The following PTPN14 variants were observed in gnomAD, a reference collection of about 807,000 sequenced individuals.
PTPN14 encodes protein tyrosine phosphatase non-receptor type 14, also known as tyrosine-protein phosphatase non-receptor type 14.
PTPN14 carries 53 observed loss-of-function variants against 126.8 expected under a neutral mutation model. The ratio of observed to expected loss-of-function variants is 0.42; its 90% CI spans 0.34 to 0.53. The LOEUF (loss-of-function observed/expected upper bound fraction) is 0.53. Among genes scored for constraint, PTPN14 ranks in the 20% least tolerant of loss-of-function variants. PTPN14 has a pLI of 0.08. For synonymous variants in PTPN14, 630 were observed against 599.3 expected, an observed-to-expected ratio of 1.05 and a Z score of -0.75; for missense variants, 1,257 against 1,552.9, an observed-to-expected ratio of 0.81 and a Z score of 3.20.
chr1:214,355,369 C>G lies in PTPN14; in HGVS notation c.*2553G>C, dbSNP rs778303761. 6.6e-6 allele frequency: 1 copy of G among 152,170 alleles called. No individual in the cohort carries two copies. The highest frequency in any genetic ancestry group is 1.5e-5 in the Non-Finnish European group (1 of 68,016). The allele number at this position is 152,170 out of a possible 1,614,324, so 9.4% of individuals were successfully genotyped here. ...AAAGATAAATACTGATGTTGTTCAT[C>G]ACGCAATAAACCAGTAACTGAGACC... On this transcript the variant is annotated 3_prime_UTR_variant, in exon 19 of 19. Transcript: ENST00000366956.
chr1:214,453,609 C>T (rs575909036), intron 2 of PTPN14, among the ~76,000 whole-genome samples: 2 of 152,218 alleles, frequency 1.3e-5, no homozygotes, highest in Admixed American at 6.5e-5. Context: ...TGCGGCTGCA[C>T]GACTACTACT....
intron 3 of PTPN14, among the ~76,000 whole-genome samples, chr1:214,417,623 C>T (rs1213452451): frequency 1.3e-5 from 2 of 152,150 alleles, no homozygotes; most frequent in Admixed American, 6.6e-5. Flanking sequence ...TCTTCATGCT[C>T]TCTTTTAAAT....
intron 1 of PTPN14, among the ~76,000 whole-genome samples, chr1:214,481,730 A>G (rs1660992811): frequency 4.6e-5 from 7 of 152,052 alleles, no homozygotes; most frequent in Admixed American, 4.6e-4. Context: ...TCACGCCTGT[A>G]ATTCCAACAC....
At chr1:214,544,277 A>T (rs1309494000) in intron 1 of PTPN14, among the ~76,000 whole-genome samples, 2 of 151,986 alleles carry the variant, frequency 1.3e-5, no homozygotes, top group African/African-American at 2.4e-5. Context: ...AAAATTTTTT[A>T]AAAATTAGCC....
intron 7 of PTPN14, among the ~76,000 whole-genome samples, chr1:214,399,107 T>C (rs563581535): frequency 1.2e-4 from 19 of 152,334 alleles, no homozygotes; most frequent in African/African-American, 1.7e-4. Flanking sequence ...CAAAGAAATA[T>C]GTGAAGTAAC....
In PTPN14 at chr1:214,383,179, A is replaced by G; in HGVS notation, c.2544+132T>C. The G allele has an allele frequency of 8.5e-7, 1 of 1,173,006 alleles. No homozygotes were observed. Among genetic ancestry groups the G allele is most frequent in the Non-Finnish European group, 1.2e-6 (1 of 841,002 alleles). 72.7% of individuals were successfully genotyped at this position (1,173,006 alleles called of 1,614,324 possible). A position where few individuals can be genotyped will look rare whatever the true frequency, so the allele number is the denominator to read the frequency against. Reference sequence around the variant, plus strand: ...AAAAACTCAACATTTTGTGTAATAAAGTACTACCTTTTAAATGCTCAATGA... The same window carrying G: ...AAAAACTCAACATTTTGTGTAATAAGGTACTACCTTTTAAATGCTCAATGA... On this transcript the variant is annotated intron_variant, in intron 13 of 18. Coordinates refer to ENST00000366956, the MANE Select transcript of PTPN14 (RefSeq NM_005401.5). The surrounding 1 kb of genome is among the most constrained non-coding windows in gnomAD (Gnocchi z 4.4).
chr1:214,430,180 T>C (rs1425832036), intron 3 of PTPN14, among the ~76,000 whole-genome samples: 2 of 152,214 alleles, frequency 1.3e-5, no homozygotes, highest in Non-Finnish European at 2.9e-5. Flanking sequence ...TTTCCTTGGC[T>C]CGGAATGTTC....
At chr1:214,438,195 G>A (rs1367658368) in intron 3 of PTPN14, among the ~76,000 whole-genome samples, 3 of 152,152 alleles carry the variant, frequency 2.0e-5, no homozygotes, top group East Asian at 1.9e-4. Context: ...AGCCTGGCCC[G>A]TCCTGTGGCA....
chr1:214,415,970 T>G (rs1326755529), intron 3 of PTPN14, among the ~76,000 whole-genome samples: 1 of 152,204 alleles, frequency 6.6e-6, no homozygotes, highest in Non-Finnish European at 1.5e-5. Flanking sequence ...ATGGTAAATT[T>G]CACTGATTCC....
At chr1:214,440,109 T>C (rs190312781) in intron 3 of PTPN14, among the ~76,000 whole-genome samples, 1 of 152,328 alleles carries the variant, frequency 6.6e-6, no homozygotes, top group African/African-American at 2.4e-5. Context: ...CATGTCAGCA[T>C]GCTTGGTTCA....
At chr1:214,465,227 A>C (rs1216149963) in intron 1 of PTPN14, among the ~76,000 whole-genome samples, 1 of 152,240 alleles carries the variant, frequency 6.6e-6, no homozygotes, top group East Asian at 1.9e-4. Flanking sequence ...ACAGGTGCAC[A>C]GTGTAAATGG....
chr1:214,358,037 G>T lies in PTPN14; in HGVS notation c.3449C>A (p.Pro1150His). The change falls in exon 19 of 19, where the codon CCC (proline) becomes CAC (histidine). Residue 1150 changes from proline (P) to histidine (H), a missense_variant. By Grantham distance (77) the Pro-to-His change is moderately conservative. Transcript: ENST00000366956. ...CTCCCTGAGGAGCCTCAGCATCATG[G>T]GCACTTCCACCTTCTGCAAGAAAAG... ...CLEHNEKVEVPMMLRLLREQR... is the reference protein window; with the variant it reads ...CLEHNEKVEVHMMLRLLREQR... 6.2e-7 allele frequency: 1 copy of T among 1,613,280 alleles called. No homozygotes were observed. Among genetic ancestry groups the T allele is most frequent in the Admixed American group, 1.7e-5 (1 of 59,996 alleles).
At chr1:214,447,275 G>C (rs1165437574) in intron 3 of PTPN14, among the ~76,000 whole-genome samples, 2 of 152,126 alleles carry the variant, frequency 1.3e-5, no homozygotes, top group Non-Finnish European at 2.9e-5. Flanking sequence ...TCGGACCTCA[G>C]ATGCTGCTAA....
At chr1:214,416,557 G>A (rs931802421) in intron 3 of PTPN14, among the ~76,000 whole-genome samples, 4 of 152,130 alleles carry the variant, frequency 2.6e-5, no homozygotes, top group African/African-American at 9.7e-5. Flanking sequence ...CCACTAGCAA[G>A]GAACACCAGG....
chr1:214,517,282 A>T (rs920414932), intron 1 of PTPN14, among the ~76,000 whole-genome samples: 1 of 152,166 alleles, frequency 6.6e-6, no homozygotes, highest in East Asian at 1.9e-4. Context: ...GTATGACAAA[A>T]TGCATGATAT....
chr1:214,463,176 C>T (rs1022036981), intron 2 of PTPN14, among the ~76,000 whole-genome samples: 1 of 152,186 alleles, frequency 6.6e-6, no homozygotes, highest in African/African-American at 2.4e-5. Context: ...ATTTGAGTGA[C>T]TGGAAGTACT....
At chr1:214,361,516 A>C (rs921129453) in intron 18 of PTPN14, among the ~76,000 whole-genome samples, 1 of 152,178 alleles carries the variant, frequency 6.6e-6, no homozygotes, top group Non-Finnish European at 1.5e-5. Context: ...CTCTGCTCTT[A>C]ACTGCCCCCA....
In PTPN14 at chr1:214,364,279, C is replaced by T. The variant is rs752037911; in HGVS notation, c.3435+233G>A. Among the ~76,000 whole-genome samples the T allele has an allele frequency of 6.6e-6, 1 of 152,116 alleles. No individual in the cohort carries two copies. The highest frequency in any genetic ancestry group is 2.4e-5 in the African/African-American group (1 of 41,432). On this transcript the variant is annotated intron_variant, in intron 18 of 18. Transcript: ENST00000366956. The surrounding 1 kb of genome is among the most constrained non-coding windows in gnomAD (Gnocchi z 4.1). ...CACATTTTCTAAGTGTTTTCTATTG[C>T]ACACCCTCATTTCTCCTGTTTTATC...
At chr1:214,527,534 T>C (rs2102465030) in intron 1 of PTPN14, among the ~76,000 whole-genome samples, 1 of 152,338 alleles carries the variant, frequency 6.6e-6, no homozygotes, top group East Asian at 1.9e-4. Flanking sequence ...TCCACTGCTA[T>C]TTCAGAGTCT....
Sources: allele counts gnomAD v4.1 joint callset (sites outside exome capture counted in the v4.1 genomes callset), GRCh38; gene constraint gnomAD v4.1.1; non-coding constraint Gnocchi (gnomAD v3.1); transcripts MANE v1.5; gene names NCBI Gene and HGNC (gene_info 2026-07-23, HGNC 2026-07-21).